SMIM35: variants seen among roughly 807,000 people sequenced by gnomAD.
SMIM35 encodes the protein TMPRSS4 antisense RNA 1 (non-protein coding).
intron 1 of SMIM35, among the ~76,000 whole-genome samples, chr11:118,069,506 T>C (rs577988698): frequency 2.0e-4 from 30 of 152,212 alleles, no homozygotes; most frequent in Non-Finnish European, 3.5e-4. Context: ...TGCCAGTCAC[T>C]GTGCTGGTGC....
intron 1 of SMIM35, chr11:118,028,818 G>C (rs1459263584): frequency 2.2e-6 from 1 of 452,866 alleles, no homozygotes; most frequent in African/African-American, 2.0e-5. Flanking sequence ...GAAACAAGAG[G>C]AGAAGTAGAA....
At chr11:118,073,016 C>T (rs1640821699) in intron 1 of SMIM35, among the ~76,000 whole-genome samples, 1 of 152,240 alleles carries the variant, frequency 6.6e-6, no homozygotes, top group South Asian at 2.1e-4. Context: ...CACCTGGGTT[C>T]AAGCGATTCT....
chr11:118,020,545 T>TTTTGGGTTTAAAACAAGA, intron 1 of SMIM35, among the ~76,000 whole-genome samples: 2 of 152,334 alleles, frequency 1.3e-5, no homozygotes, highest in Middle Eastern at 6.8e-3. Flanking sequence ...TTTTGGGTCA[T>TTTTGGGTTTAAAACAAGA]CTTTTATAGA....
chr11:118,077,422 A>T, intron 1 of SMIM35: 1 of 1,278,994 alleles, frequency 7.8e-7, no homozygotes. Context: ...TCTAGGTTAA[A>T]AAAAGAGGCC....
intron 1 of SMIM35, among the ~76,000 whole-genome samples, chr11:118,057,133 G>A (rs1944326971): frequency 6.6e-6 from 1 of 152,212 alleles, no homozygotes; most frequent in Admixed American, 6.5e-5. Context: ...CTACCTGCTG[G>A]AGAAAGGGCG....
intron 1 of SMIM35, among the ~76,000 whole-genome samples, chr11:118,022,844 C>G: frequency 6.6e-6 from 1 of 151,958 alleles, no homozygotes; most frequent in East Asian, 2.0e-4. Context: ...TCGTAATTCA[C>G]AGGGTATTGG....
intron 1 of SMIM35, among the ~76,000 whole-genome samples, chr11:118,079,097 A>G (rs1944925781): frequency 2.0e-5 from 3 of 152,062 alleles, no homozygotes; most frequent in African/African-American, 4.8e-5. Flanking sequence ...GGGTCAGGTC[A>G]GGCCTGGGGC....
At chr11:118,071,786 G>C (rs1046029415) in intron 1 of SMIM35, among the ~76,000 whole-genome samples, 6 of 152,198 alleles carry the variant, frequency 3.9e-5, no homozygotes, top group Non-Finnish European at 5.9e-5. Flanking sequence ...TGTGGGAAGA[G>C]ACCTAGAACA....
At chr11:118,074,034 A>G (rs1944614648) in intron 1 of SMIM35, among the ~76,000 whole-genome samples, 1 of 152,234 alleles carries the variant, frequency 6.6e-6, no homozygotes, top group South Asian at 2.1e-4. Context: ...AGCCTGGGTG[A>G]GGAAGGCTCT....
chr11:118,080,439 CCCAGG>C (rs899181942), intron 1 of SMIM35, among the ~76,000 whole-genome samples: 2 of 152,160 alleles, frequency 1.3e-5, no homozygotes, highest in African/African-American at 4.8e-5. Flanking sequence ...AAGCTGCATC[CCCAGG>C]CCCTGTCCAT....
chr11:118,021,559 G>A (rs1258583243), intron 1 of SMIM35, among the ~76,000 whole-genome samples: 1 of 151,762 alleles, frequency 6.6e-6, no homozygotes, highest in African/African-American at 2.4e-5. Context: ...TTTATAAAAT[G>A]TATCTTTAAC....
At chr11:118,067,568 T>G (rs1325409534) in intron 1 of SMIM35, 1 of 151,850 alleles carries the variant, frequency 6.6e-6, no homozygotes, top group African/African-American at 2.4e-5. Context: ...GTGCAGTGAC[T>G]CATGCCTGTA....
Position 118,072,187 on chromosome 11 carries a change from G to T in SMIM35, c.7+14564C>A, listed in dbSNP as rs148820386. 3.2e-4 allele frequency among the ~76,000 whole-genome samples: 48 copies of T among 152,256 alleles called. No homozygotes were observed. The East Asian group carries it at 9.3e-3, about 29-fold the overall frequency. On this transcript the variant is annotated intron_variant, in intron 1 of 4. Transcript: ENST00000689828. The stretch of plus-strand genomic sequence containing the variant: ...GTGACTGCTGATACTGAGATCAAAT[G>T]CACAATCAGAAACAACTGGCAGCCA...
At position 118,028,828 on chromosome 11, in the gene SMIM35, A is replaced by G. The variant is rs1490460736; in HGVS notation, c.8-13019T>C. On this transcript the variant is annotated intron_variant, in intron 1 of 4. Transcript: ENST00000689828. ...AAGGAGAAACAAGAGGAGAAGTAGAAGGGGAAAAGGAGAAGAAAAAGGAGG... is the reference window on the plus strand; with the variant it reads ...AAGGAGAAACAAGAGGAGAAGTAGAGGGGGAAAAGGAGAAGAAAAAGGAGG... 8 of 452,852 alleles carry G rather than the reference A, an allele frequency of 1.8e-5. No homozygotes were observed. In the East Asian group the frequency reaches 5.6e-4, roughly 32 times the overall value. The allele number at this position is 452,852 out of a possible 1,614,324, so 28.1% of individuals were successfully genotyped here.
intron 1 of SMIM35, among the ~76,000 whole-genome samples, chr11:118,023,574 G>C (rs2058249264): frequency 7.4e-6 from 1 of 136,004 alleles, no homozygotes; most frequent in Non-Finnish European, 1.5e-5. Context: ...CATTTTTTAA[G>C]ACCCAAATTA....
intron 1 of SMIM35, among the ~76,000 whole-genome samples, chr11:118,032,900 T>C (rs1168297871): frequency 1.3e-5 from 2 of 152,200 alleles, no homozygotes; most frequent in Non-Finnish European, 2.9e-5. Context: ...AGAATGAGAC[T>C]CTGTCTCAAA....
intron 1 of SMIM35, among the ~76,000 whole-genome samples, chr11:118,019,627 T>C (rs1024816119): frequency 1.3e-5 from 2 of 152,238 alleles, no homozygotes; most frequent in African/African-American, 2.4e-5. Flanking sequence ...ATCAAATTTA[T>C]CTATTTGTGC....
At position 118,027,155 on chromosome 11, in the gene SMIM35, G is replaced by A. The variant is rs2058281556; in HGVS notation, c.8-11346C>T. 2.8e-5 allele frequency among the ~76,000 whole-genome samples: 4 copies of A among 144,024 alleles called. No homozygotes were observed. The South Asian group carries it at 9.1e-4, about 33-fold the overall frequency. The allele number at this position is 144,024 out of a possible 152,430, so 94.5% of individuals were successfully genotyped here. ...CCATTCTCCTGCCTCAGCCTCCCGAGTAGCTGGGACTACAGGCGCCCGCCA... is the reference window on the plus strand; with the variant it reads ...CCATTCTCCTGCCTCAGCCTCCCGAATAGCTGGGACTACAGGCGCCCGCCA... On this transcript the variant is annotated intron_variant, in intron 1 of 4. Transcript: ENST00000689828.
chr11:118,053,809 AGTGAT>A (rs1944263051), intron 1 of SMIM35, among the ~76,000 whole-genome samples: 1 of 152,194 alleles, frequency 6.6e-6, no homozygotes, highest in Non-Finnish European at 1.5e-5. Context: ...TTCCTCTGAC[AGTGAT>A]GTGGTCTCCA....
Sources: gnomAD v4.1 joint callset for allele counts (sites outside exome capture counted in the v4.1 genomes callset) on GRCh38, gnomAD v4.1.1 for gene constraint, MANE v1.5 for transcripts, NCBI Gene and HGNC (gene_info 2026-07-23, HGNC 2026-07-21) for gene names.